LRRC28: variants seen among roughly 807,000 people sequenced by gnomAD.
LRRC28 encodes leucine-rich repeat-containing protein 28.
A neutral mutation model predicts 45.7 loss-of-function variants in LRRC28; 39 were observed. That is an observed-to-expected ratio of 0.85 (90% CI 0.66 to 1.12). LRRC28 has a LOEUF of 1.12. Ranked by LOEUF, LRRC28 falls within the 50% of genes most tolerant of loss-of-function variation. The probability of loss-of-function intolerance (pLI) is 0.00; values close to 1 mark genes in which losing one functional copy is unlikely to be tolerated. For synonymous variants in LRRC28, 206 were observed against 178.8 expected (o/e 1.15, Z -1.22); for missense variants, 435 against 438.5 (o/e 0.99, Z 0.07).
At chr15:99,345,554 A>G (rs1956653115) in intron 6 of LRRC28, among the ~76,000 whole-genome samples, 1 of 152,164 alleles carries the variant, frequency 6.6e-6, no homozygotes, top group African/African-American at 2.4e-5. Flanking sequence ...TTCTTTATGT[A>G]TACCAGAGAA....
rs67593137 is a variant in LRRC28 at position 99,288,371 on chromosome 15, C to CTTTTTT, written c.385+444_385+449dup. Among the ~76,000 whole-genome samples the CTTTTTT allele has an allele frequency of 2.4e-4, 20 of 82,916 alleles. 1 individual carries two copies. The highest frequency in any genetic ancestry group is 2.9e-4 in the Non-Finnish European group (13 of 44,722). The allele number at this position is 82,916 out of a possible 152,430, so 54.4% of individuals were successfully genotyped here. ...TAGTGAGGTAACTAATGTACATTAACTTTTTTTTTTTTTTTTTTTTTTTTT... is the reference window on the plus strand; with the variant it reads ...TAGTGAGGTAACTAATGTACATTAACTTTTTTTTTTTTTTTTTTTTTTTTTTTTTTT... On this transcript the variant is annotated intron_variant, in intron 5 of 9. Transcript: ENST00000301981.
At position 99,387,068 on chromosome 15, in the gene LRRC28, TTG is replaced by T. The variant is rs72306960; in HGVS notation, c.*968_*969del. ...AGCTACTTCCACTACTGGTTTTTTT[TTG>T]TTGTTGTTGAGACGGAGTCTCGCTC... On this transcript the variant is annotated 3_prime_UTR_variant, in exon 10 of 10. Coordinates refer to ENST00000301981, the MANE Select transcript of LRRC28 (RefSeq NM_144598.5). 14,080 of 146,072 alleles carry T rather than the reference TTG, an allele frequency of 0.096. 1,290 individuals carry two copies. Among genetic ancestry groups the T allele is most frequent in the African/African-American group, 0.24 (9,642 of 40,088 alleles). The allele number at this position is 146,072 out of a possible 1,614,324, so 9.0% of individuals were successfully genotyped here.
At chr15:99,348,083 A>G (rs1956752877) in intron 6 of LRRC28, among the ~76,000 whole-genome samples, 1 of 152,162 alleles carries the variant, frequency 6.6e-6, no homozygotes, top group South Asian at 2.1e-4. Flanking sequence ...TTCTTTGGAA[A>G]AATGTCTGTT....
At chr15:99,385,079 C>T (rs1443122528) in intron 9 of LRRC28, among the ~76,000 whole-genome samples, 2 of 152,126 alleles carry the variant, frequency 1.3e-5, no homozygotes, top group African/African-American at 4.8e-5. Flanking sequence ...TGGAGCCTGG[C>T]GAGAACCAGA....
chr15:99,282,983 C>T (rs1475135212), intron 3 of LRRC28, among the ~76,000 whole-genome samples: 1 of 152,128 alleles, frequency 6.6e-6, no homozygotes, highest in East Asian at 1.9e-4. Context: ...ACCTCCGCCT[C>T]CTGGGTTCAA....
rs181366365 is a variant in LRRC28, at chr15:99,258,770, A to G, written c.168+2645A>G. 2,674 of 695,788 alleles carry G rather than the reference A, an allele frequency of 3.8e-3. 11 individuals are homozygous for G. The highest frequency in any genetic ancestry group is 5.7e-3 in the Non-Finnish European group (2,056 of 363,522). The allele number at this position is 695,788 out of a possible 1,614,324, so 43.1% of individuals were successfully genotyped here. On this transcript the variant is annotated intron_variant, in intron 2 of 9. Coordinates refer to ENST00000301981, the MANE Select transcript of LRRC28 (RefSeq NM_144598.5). ...TGAAGGAGAAGTTACCTTCAAATCA[A>G]TTTTATTTGTACCCACATTTGTTCC...
At chr15:99,273,250 T>G (rs1376464757) in intron 2 of LRRC28, among the ~76,000 whole-genome samples, 1 of 152,094 alleles carries the variant, frequency 6.6e-6, no homozygotes, top group Non-Finnish European at 1.5e-5. Context: ...TTGTTTTTGT[T>G]TTTTGAGATG....
At chr15:99,373,751 G>A (rs1438657785) in intron 9 of LRRC28, among the ~76,000 whole-genome samples, 3 of 152,106 alleles carry the variant, frequency 2.0e-5, no homozygotes, top group Non-Finnish European at 2.9e-5. Context: ...AAATTCAAAA[G>A]TGATGCTTGC....
intron 6 of LRRC28, among the ~76,000 whole-genome samples, chr15:99,347,432 C>A (rs1483511334): frequency 1.3e-5 from 2 of 152,210 alleles, no homozygotes; most frequent in African/African-American, 4.8e-5. Context: ...TGGTCTTGAT[C>A]TCCTGACCTC....
chr15:99,337,737 C>T (rs563679593), intron 6 of LRRC28: 2 of 152,352 alleles, frequency 1.3e-5, no homozygotes, highest in East Asian at 1.9e-4. Context: ...ACTCCCAAGT[C>T]GGGCTGCAGA....
At chr15:99,287,785 C>A in intron 4 of LRRC28, 29 bp from the exon 5 acceptor site, 1 of 1,571,746 alleles carries the variant, frequency 6.4e-7, no homozygotes, top group South Asian at 1.2e-5. Flanking sequence ...GAGTCAAATT[C>A]ATTTTGCCTT....
chr15:99,340,042 A>G (rs1364267006), intron 6 of LRRC28, among the ~76,000 whole-genome samples: 4 of 152,282 alleles, frequency 2.6e-5, no homozygotes, highest in Non-Finnish European at 5.9e-5. Context: ...TGTTTATAGA[A>G]GAATTTTAGT....
At chr15:99,253,068 A>G (rs2080901033) in intron 1 of LRRC28, among the ~76,000 whole-genome samples, 3 of 152,186 alleles carry the variant, frequency 2.0e-5, no homozygotes, top group Non-Finnish European at 4.4e-5. Context: ...AAGAAAAAAC[A>G]AACAGCCAAG....
intron 2 of LRRC28, chr15:99,258,013 A>G: frequency 4.0e-6 from 4 of 996,818 alleles, no homozygotes; most frequent in Non-Finnish European, 6.5e-6. Context: ...GAAATGAGGA[A>G]CTAACAGTCA....
At chr15:99,358,213 C>T (rs1377945092) in intron 7 of LRRC28, among the ~76,000 whole-genome samples, 1 of 152,072 alleles carries the variant, frequency 6.6e-6, no homozygotes, top group Non-Finnish European at 1.5e-5. Context: ...TTGTACCACA[C>T]ATTTAAATAT....
chr15:99,370,339 T>G (rs1957449235), intron 9 of LRRC28, among the ~76,000 whole-genome samples: 1 of 152,264 alleles, frequency 6.6e-6, no homozygotes, highest in African/African-American at 2.4e-5. Context: ...TCTAACATTA[T>G]GAACAAGGTA....
chr15:99,269,463 G>A (rs1229748987), intron 2 of LRRC28, among the ~76,000 whole-genome samples: 1 of 152,032 alleles, frequency 6.6e-6, no homozygotes, highest in Non-Finnish European at 1.5e-5. Flanking sequence ...GAGTGCAGTG[G>A]CACGAACTCA....
intron 5 of LRRC28, among the ~76,000 whole-genome samples, chr15:99,328,614 G>C (rs926000832): frequency 6.6e-6 from 1 of 150,574 alleles, no homozygotes; most frequent in African/African-American, 2.5e-5. Context: ...GAGTCTGTGA[G>C]GTAGTTTCCA....
intron 5 of LRRC28, among the ~76,000 whole-genome samples, chr15:99,298,120 T>A (rs1364333846): frequency 1.3e-5 from 2 of 152,152 alleles, no homozygotes; most frequent in Middle Eastern, 6.4e-3. Flanking sequence ...CAATCATGCT[T>A]ACTGCACGTT....
Sources: allele counts gnomAD v4.1 joint callset (sites outside exome capture counted in the v4.1 genomes callset), GRCh38; gene constraint gnomAD v4.1.1; transcripts MANE v1.5; gene names NCBI Gene and HGNC (gene_info 2026-07-23, HGNC 2026-07-21).